C10orf90: variants seen among roughly 807,000 people sequenced by gnomAD.
C10orf90 encodes the protein (E2-independent) E3 ubiquitin-conjugating enzyme FATS.
A neutral mutation model predicts 62.5 loss-of-function variants in C10orf90; 56 were observed. That is an observed-to-expected ratio of 0.90 (90% CI 0.72 to 1.12). The LOEUF is 1.12. Ranked by LOEUF, C10orf90 falls within the 50% of genes most tolerant of loss-of-function variation. The pLI is 0.00. For synonymous variants in C10orf90, 386 were observed against 340.4 expected (o/e 1.13, Z -1.47); for missense variants, 970 against 880.4 (o/e 1.10, Z -1.29).
Position 126,648,941 on chromosome 10 carries a change from G to T in C10orf90, c.241-2304C>A, listed in dbSNP as rs141053904. Reference sequence around the variant, plus strand: ...AAAGCTCCTGATGCACCACGTAGTTGTTAGTCAAGAGCCCCAGCCTTGCCA... The same window carrying T: ...AAAGCTCCTGATGCACCACGTAGTTTTTAGTCAAGAGCCCCAGCCTTGCCA... On this transcript the variant is annotated intron_variant, in intron 1 of 9. Coordinates refer to ENST00000488181, the MANE Select transcript of C10orf90 (RefSeq NM_001350921.2). 8.7e-3 allele frequency among the ~76,000 whole-genome samples: 1,327 copies of T among 152,100 alleles called. 20 individuals carry two copies. The highest frequency in any genetic ancestry group is 0.029 in the African/African-American group (1,191 of 41,474).
intron 1 of C10orf90, among the ~76,000 whole-genome samples, chr10:126,667,685 C>T (rs1308034829): frequency 6.6e-6 from 1 of 152,180 alleles, no homozygotes; most frequent in Non-Finnish European, 1.5e-5. Flanking sequence ...CAAAACCACG[C>T]AAGCTCTGCT....
intron 2 of C10orf90, among the ~76,000 whole-genome samples, chr10:126,642,346 C>G (rs571996688): frequency 2.0e-5 from 3 of 152,052 alleles, no homozygotes; most frequent in Non-Finnish European, 4.4e-5. Context: ...TCCTGGCTAA[C>G]ATGGTGAAAC....
chr10:126,556,370 C>T (rs943395493), intron 2 of C10orf90, among the ~76,000 whole-genome samples: 7 of 152,188 alleles, frequency 4.6e-5, no homozygotes, highest in African/African-American at 9.7e-5. Context: ...AAATAGAACA[C>T]GGGCAGTTTC....
chr10:126,629,841 A>G (rs978570658), intron 2 of C10orf90, among the ~76,000 whole-genome samples: 3 of 150,248 alleles, frequency 2.0e-5, no homozygotes, highest in Admixed American at 6.6e-5. Flanking sequence ...GGCCAGGCAG[A>G]GCAGGATTTG....
intron 2 of C10orf90, among the ~76,000 whole-genome samples, chr10:126,612,972 G>A (rs1845470017): frequency 6.6e-6 from 1 of 152,144 alleles, no homozygotes; most frequent in South Asian, 2.1e-4. Flanking sequence ...AGCAGAGTTG[G>A]TCTTGAATTC....
chr10:126,645,522 C>G (rs1281094142), intron 2 of C10orf90, among the ~76,000 whole-genome samples: 1 of 148,346 alleles, frequency 6.7e-6, no homozygotes, highest in African/African-American at 2.5e-5. Flanking sequence ...CCCAGGAGTT[C>G]AAAGCTGCAG....
chr10:126,549,496 A>C (rs1342580308), intron 2 of C10orf90, among the ~76,000 whole-genome samples: 1 of 152,212 alleles, frequency 6.6e-6, no homozygotes, highest in Non-Finnish European at 1.5e-5. Flanking sequence ...GGCTAGGATT[A>C]AAAAATAGTG....
At chr10:126,568,509 C>A (rs181754148) in intron 2 of C10orf90, among the ~76,000 whole-genome samples, 3 of 152,306 alleles carry the variant, frequency 2.0e-5, no homozygotes, top group Non-Finnish European at 1.5e-5. Flanking sequence ...AGGGCAGGAC[C>A]TTTTCATGGG....
intron 4 of C10orf90, among the ~76,000 whole-genome samples, chr10:126,500,135 T>A (rs1862288855): frequency 6.6e-6 from 1 of 152,232 alleles, no homozygotes; most frequent in Admixed American, 6.5e-5. Context: ...TAACTTGCAG[T>A]TCACTCTCCT....
At chr10:126,565,304 A>AT (rs1274438609) in intron 2 of C10orf90, among the ~76,000 whole-genome samples, 240 of 65,444 alleles carry the variant, frequency 3.7e-3, no homozygotes, top group Non-Finnish European at 5.7e-3. Context: ...TTTATATTAT[A>AT]TATTATATTA....
intron 4 of C10orf90, among the ~76,000 whole-genome samples, chr10:126,484,190 T>C (rs1177168952): frequency 1.3e-5 from 2 of 152,220 alleles, no homozygotes; most frequent in African/African-American, 4.8e-5. Flanking sequence ...CTGTTATTTT[T>C]GCATCCCAGT....
chr10:126,501,887 T>C (rs1382119909), intron 4 of C10orf90, among the ~76,000 whole-genome samples: 3 of 151,860 alleles, frequency 2.0e-5, no homozygotes, highest in Admixed American at 1.3e-4. Flanking sequence ...TACAGAGTGA[T>C]ATGATGGACT....
chr10:126,514,806 G>C (rs1414483126), intron 2 of C10orf90, among the ~76,000 whole-genome samples: 1 of 150,780 alleles, frequency 6.6e-6, no homozygotes, highest in Non-Finnish European at 1.5e-5. Context: ...ATCTCTAAAA[G>C]TGACCTTTGT....
At chr10:126,495,496 G>A (rs949428202) in intron 4 of C10orf90, among the ~76,000 whole-genome samples, 3 of 152,162 alleles carry the variant, frequency 2.0e-5, no homozygotes, top group African/African-American at 7.2e-5. Flanking sequence ...CCTAGCAGGG[G>A]AAATAAAAGA....
chr10:126,440,022 T>G lies in C10orf90; in HGVS notation c.2189-10172A>C, dbSNP rs1033828050. The stretch of plus-strand genomic sequence containing the variant: ...GAGAAGGAAACCTCCAGCTGAACTT[T>G]GTAACAATTTGAACCAGTTAAGAAG... On this transcript the variant is annotated intron_variant, in intron 7 of 9. Coordinates refer to ENST00000488181, the MANE Select transcript of C10orf90 (RefSeq NM_001350921.2). 5.9e-5 allele frequency among the ~76,000 whole-genome samples: 9 copies of G among 152,292 alleles called. No individual in the cohort carries two copies. In the South Asian group the frequency reaches 1.9e-3, roughly 32 times the overall value.
chr10:126,580,191 G>T (rs771899585), intron 2 of C10orf90, among the ~76,000 whole-genome samples: 1 of 152,194 alleles, frequency 6.6e-6, no homozygotes, highest in South Asian at 2.1e-4. Context: ...CTGAGGGAAG[G>T]AGGGCATGTG....
At chr10:126,455,029 C>A (rs555663862) in intron 7 of C10orf90, among the ~76,000 whole-genome samples, 1 of 152,158 alleles carries the variant, frequency 6.6e-6, no homozygotes, top group South Asian at 2.1e-4. Flanking sequence ...CTCACAATCA[C>A]CACCTCCCAC....
chr10:126,430,319 A>T (rs1319966915), intron 7 of C10orf90, among the ~76,000 whole-genome samples: 1 of 152,178 alleles, frequency 6.6e-6, no homozygotes, highest in Non-Finnish European at 1.5e-5. Context: ...CCTCTGCACG[A>T]TAAAGACCAC....
rs1862594339 is a variant in C10orf90 at position 126,504,489 on chromosome 10, G to A, written c.1002C>T (p.Asp334=). ...GCGGGCTCTTTCCTGACAGTGGGGT[G>A]TCTGGAGAAAAACTGGTCTCTTTGT... is the stretch of plus-strand genomic sequence containing the variant. ...ADDKETSFSP[D]TPLSGKSPLV... is the part of the protein sequence containing the mutation. The change falls in exon 4 of 10, where the codon GAC becomes GAT. Residue 334 remains aspartate, a synonymous_variant. Coordinates refer to ENST00000488181, the MANE Select transcript of C10orf90 (RefSeq NM_001350921.2). The surrounding 1 kb of genome is among the most constrained non-coding windows in gnomAD (Gnocchi z 4.1). 1.2e-6 allele frequency: 2 copies of A among 1,614,202 alleles called. No homozygotes were observed. The highest frequency in any genetic ancestry group is 1.3e-5 in the African/African-American group (1 of 75,054).
Sources: gnomAD v4.1 joint callset for allele counts (sites outside exome capture counted in the v4.1 genomes callset) on GRCh38, gnomAD v4.1.1 for gene constraint, Gnocchi (gnomAD v3.1) non-coding constraint, MANE v1.5 for transcripts, NCBI Gene and HGNC (gene_info 2026-07-23, HGNC 2026-07-21) for gene names.